PTPRU: variants seen among roughly 807,000 people sequenced by gnomAD.
PTPRU encodes receptor-type tyrosine-protein phosphatase U.
In PTPRU, 69 loss-of-function variants were observed where a neutral mutation model predicts 166.3. That is an observed-to-expected ratio of 0.41 (90% confidence interval 0.34 to 0.51). The LOEUF (loss-of-function observed/expected upper bound fraction) is 0.51. PTPRU is among the 20% of genes least tolerant of loss of function. The pLI is 0.09. For synonymous variants in PTPRU, 793 were observed against 814.0 expected (o/e 0.97, Z 0.44); for missense variants, 1,657 against 2,013.7 (o/e 0.82, Z 3.39).
chr1:29,259,593 G>A lies in PTPRU; in HGVS notation c.675+29G>A, dbSNP rs1447103018. On this transcript the variant is annotated intron_variant, in intron 5 of 29. Coordinates refer to ENST00000373779, the MANE Select transcript of PTPRU (RefSeq NM_133178.4). Reference sequence around the variant, plus strand: ...AGCGGGAGCGGTGATCTTGGCTGGGGGCGGGGTGGGAGGGGGTTGGTGGCT... The same window carrying A: ...AGCGGGAGCGGTGATCTTGGCTGGGAGCGGGGTGGGAGGGGGTTGGTGGCT... 5 of 1,544,340 alleles carry A rather than the reference G, an allele frequency of 3.2e-6. No homozygotes were observed. In the African/African-American group the frequency reaches 5.4e-5, roughly 17 times the overall value.
Position 29,275,532 on chromosome 1 carries a change from A to G in PTPRU, c.1229A>G (p.Asn410Ser), listed in dbSNP as rs1476871993. Residue 410 changes from asparagine to serine, a missense_variant, in exon 8 of 30, where the codon AAC (asparagine) becomes AGC (serine). Asn to Ser is a conservative substitution (Grantham distance 46). Around this residue, in one of 3 missense-constraint regions of PTPRU, gnomAD observed 1,190 missense variants for 1,477.4 expected, o/e 0.81. Coordinates refer to ENST00000373779, the MANE Select transcript of PTPRU (RefSeq NM_133178.4). ...LTLQWEPLGY[N>S]VTRCHTYTVS... ...CTGCAGTGGGAACCACTGGGCTACA[A>G]CGTGACGCGTTGCCACACCTATACT... The G allele has an allele frequency of 1.2e-6, 2 of 1,614,096 alleles. No individual in the cohort carries two copies. The highest frequency in any genetic ancestry group is 8.5e-7 in the Non-Finnish European group (1 of 1,180,038).
intron 15 of PTPRU, among the ~76,000 whole-genome samples, chr1:29,301,030 G>A (rs1687109553): frequency 6.6e-6 from 1 of 152,150 alleles, no homozygotes; most frequent in African/African-American, 2.4e-5. Flanking sequence ...GGAGGGAGAA[G>A]GACAGCATAT....
At chr1:29,259,639 C>T (rs969596127) in intron 5 of PTPRU, 75 bp downstream of exon 5, 50 of 1,407,288 alleles carry the variant, frequency 3.6e-5, no homozygotes, top group Non-Finnish European at 4.6e-5. Context: ...CTGACTCCCC[C>T]CAGATTGCTG....
At chr1:29,299,617 C>T (rs1687048806) in intron 15 of PTPRU, among the ~76,000 whole-genome samples, 1 of 152,190 alleles carries the variant, frequency 6.6e-6, no homozygotes, top group Non-Finnish European at 1.5e-5. Flanking sequence ...GCACTGATTG[C>T]ATGCCTCCTT....
chr1:29,251,245 C>CT (rs1319093993), intron 1 of PTPRU, among the ~76,000 whole-genome samples: 1 of 151,498 alleles, frequency 6.6e-6, no homozygotes, highest in Non-Finnish European at 1.5e-5. Context: ...GAATGAGACT[C>CT]TATCTCAAAA....
At chr1:29,313,257 C>T (rs1399923184) in intron 22 of PTPRU, among the ~76,000 whole-genome samples, 1 of 152,134 alleles carries the variant, frequency 6.6e-6, no homozygotes, top group Admixed American at 6.5e-5. Context: ...TGCCCTCTGT[C>T]TCCCCCTGGA....
intron 1 of PTPRU, among the ~76,000 whole-genome samples, chr1:29,248,229 G>A (rs960138833): frequency 1.3e-5 from 2 of 152,106 alleles, no homozygotes; most frequent in Non-Finnish European, 2.9e-5. Flanking sequence ...TGCATGAGAC[G>A]TGGTCCTTGA....
intron 16 of PTPRU, 52 bp from the exon 17 acceptor site, chr1:29,304,722 C>A: frequency 7.1e-7 from 1 of 1,403,552 alleles, no homozygotes; most frequent in Non-Finnish European, 9.7e-7. Context: ...GGGGAAGGGG[C>A]CCTCAGTGAG....
At chr1:29,278,006 A>G (rs950921937) in intron 8 of PTPRU, among the ~76,000 whole-genome samples, 8 of 150,910 alleles carry the variant, frequency 5.3e-5, no homozygotes, top group Admixed American at 2.6e-4. Context: ...TTTGGTAGAG[A>G]TGGGGGTTTC....
intron 1 of PTPRU, among the ~76,000 whole-genome samples, chr1:29,242,719 T>G (rs1684111880): frequency 6.6e-6 from 1 of 152,108 alleles, no homozygotes; most frequent in South Asian, 2.1e-4. Context: ...GCACCTTCAG[T>G]GAGTCCTGGG....
chr1:29,262,553 T>A (rs955020191), intron 7 of PTPRU, among the ~76,000 whole-genome samples: 1 of 152,224 alleles, frequency 6.6e-6, no homozygotes, highest in Non-Finnish European at 1.5e-5. Flanking sequence ...TTATTAGTTA[T>A]TGTTGTGAGC....
chr1:29,310,395 G>A (rs1435455660), intron 18 of PTPRU, among the ~76,000 whole-genome samples: 1 of 152,098 alleles, frequency 6.6e-6, no homozygotes, highest in Non-Finnish European at 1.5e-5. Context: ...AACAGGGCAG[G>A]GCCATTGGGG....
At chr1:29,278,599 C>A (rs560670260) in intron 8 of PTPRU, among the ~76,000 whole-genome samples, 1 of 152,292 alleles carries the variant, frequency 6.6e-6, no homozygotes, top group Admixed American at 6.5e-5. Flanking sequence ...AAAATATCGC[C>A]ACCCATAATC....
intron 17 of PTPRU, 146 bp from the exon 18 acceptor site, chr1:29,305,206 C>G (rs1403438635): frequency 1.4e-6 from 1 of 736,432 alleles, no homozygotes; most frequent in African/African-American, 1.7e-5. Context: ...TCCCATGGTG[C>G]CCAGAGACTA....
At position 29,237,870 on chromosome 1, in the gene PTPRU, G is replaced by C. The variant is rs998100020; in HGVS notation, c.73+1153G>C. Among the ~76,000 whole-genome samples the C allele has an allele frequency of 2.7e-5, 4 of 146,258 alleles. No homozygotes were observed. Among genetic ancestry groups the C allele is most frequent in the Non-Finnish European group, 6.1e-5 (4 of 65,802 alleles). ...GGTGGCCGGGCCGCGGCTGCGCCCC[G>C]GGCGGCCGGGCGGGGGCTGTCCCCG... On this transcript the variant is annotated intron_variant, in intron 1 of 29. Coordinates refer to ENST00000373779, the MANE Select transcript of PTPRU (RefSeq NM_133178.4). This position sits in a 1 kb window ranked among gnomAD's most constrained non-coding sequence, Gnocchi z 6.4.
chr1:29,307,223 ACGGTCTCTGGCTGTCTGTCTCT>A, intron 18 of PTPRU: 1 of 1,519,954 alleles, frequency 6.6e-7, no homozygotes, highest in South Asian at 1.1e-5. Flanking sequence ...AGACTCTCTC[ACGGTCTCTGGCTGTCTGTCTCT>A]CTGTCTCTGT....
chr1:29,324,890 A>AG (rs1688333063), intron 28 of PTPRU, among the ~76,000 whole-genome samples: 1 of 126,960 alleles, frequency 7.9e-6, no homozygotes. Context: ...CCCGCCCCTC[A>AG]CCTCTGGACT....
chr1:29,273,528 C>G (rs1685666551), intron 7 of PTPRU, among the ~76,000 whole-genome samples: 2 of 152,172 alleles, frequency 1.3e-5, no homozygotes, highest in South Asian at 4.1e-4. Flanking sequence ...CTTGGCTTTC[C>G]AAAGTGCTGG....
At position 29,316,128 on chromosome 1, in the gene PTPRU, TC is replaced by T; in HGVS notation, c.3493del (p.Gln1165SerfsTer9). ...MIRIDPQSNS[S>X]QLREEFQTLN... ...CCGCATTGATCCTCAGAGTAATTCC[TC>T]CCAGCTGCGGGAAGAGTTCCAGGTG... On this transcript the variant is annotated frameshift_variant, in exon 24 of 30. Coordinates refer to ENST00000373779, the MANE Select transcript of PTPRU (RefSeq NM_133178.4). LOFTEE classifies it high-confidence loss of function. 1 of 1,614,130 alleles carries T rather than the reference TC, an allele frequency of 6.2e-7. No homozygotes were observed. The highest frequency in any genetic ancestry group is 2.2e-5 in the East Asian group (1 of 44,880).
Sources: allele counts gnomAD v4.1 joint callset (sites outside exome capture counted in the v4.1 genomes callset), GRCh38; gene constraint gnomAD v4.1.1; regional missense constraint gnomAD v4.1.1; non-coding constraint Gnocchi (gnomAD v3.1); transcripts MANE v1.5; gene names NCBI Gene and HGNC (gene_info 2026-07-23, HGNC 2026-07-21).